TBC1D22A: variants seen among roughly 807,000 people sequenced by gnomAD.
The protein encoded by TBC1D22A is putative GTPase activator.
A neutral mutation model predicts 60.2 loss-of-function variants in TBC1D22A; 38 were observed. The ratio of observed to expected loss-of-function variants is 0.63; its 90% confidence interval spans 0.49 to 0.83. TBC1D22A has a LOEUF of 0.83. Among genes scored for constraint, TBC1D22A ranks in the 40% least tolerant of loss-of-function variants. The pLI is 0.00. For synonymous variants in TBC1D22A, 302 were observed against 281.7 expected, an observed-to-expected ratio of 1.07 and a Z score of -0.72; for missense variants, 628 against 701.0, an observed-to-expected ratio of 0.90 and a Z score of 1.18.
intron 11 of TBC1D22A, among the ~76,000 whole-genome samples, chr22:47,067,980 G>A (rs530349278): frequency 1.7e-4 from 26 of 152,362 alleles, no homozygotes; most frequent in South Asian, 6.2e-4. Flanking sequence ...AGACTGACAA[G>A]CACCATCCCC....
chr22:46,952,789 C>T (rs136078), intron 8 of TBC1D22A, among the ~76,000 whole-genome samples: 25,583 of 152,158 alleles, frequency 0.17, 2,695 homozygotes, highest in East Asian at 0.24. Context: ...CTCAACCCCT[C>T]AGCATTGTTG....
chr22:46,783,570 A>G (rs2084034081), intron 1 of TBC1D22A, among the ~76,000 whole-genome samples: 1 of 145,614 alleles, frequency 6.9e-6, no homozygotes, highest in Non-Finnish European at 1.5e-5. Flanking sequence ...TTGTGTTTCC[A>G]TTCCCATGTG....
At chr22:47,159,479 AACAC>A (rs927265806) in intron 12 of TBC1D22A, among the ~76,000 whole-genome samples, 2 of 151,716 alleles carry the variant, frequency 1.3e-5, no homozygotes, top group South Asian at 2.1e-4. Flanking sequence ...ATGCCATGTA[AACAC>A]ACAGACAACA....
chr22:47,085,672 CAAGAT>C (rs780178341), intron 11 of TBC1D22A, among the ~76,000 whole-genome samples: 9 of 151,982 alleles, frequency 5.9e-5, no homozygotes, highest in Middle Eastern at 3.4e-3. Context: ...CAGAAGTCGT[CAAGAT>C]AAGAAAACAG....
chr22:46,764,439 GTCTAAAC>G (rs1257381046), intron 1 of TBC1D22A, among the ~76,000 whole-genome samples: 1 of 152,200 alleles, frequency 6.6e-6, no homozygotes, highest in Non-Finnish European at 1.5e-5. Context: ...TTCCTCATCA[GTCTAAAC>G]TCTAATTCTT....
chr22:46,798,064 T>A (rs2084735516), intron 4 of TBC1D22A, among the ~76,000 whole-genome samples: 1 of 152,128 alleles, frequency 6.6e-6, no homozygotes, highest in African/African-American at 2.4e-5. Flanking sequence ...TTTCTACAGA[T>A]ACGGGTCTGC....
chr22:47,060,510 A>G (rs1451986381), intron 11 of TBC1D22A, among the ~76,000 whole-genome samples: 3 of 152,086 alleles, frequency 2.0e-5, no homozygotes, highest in Non-Finnish European at 4.4e-5. Flanking sequence ...GGCTCACTGC[A>G]ACCTCCGCTT....
intron 4 of TBC1D22A, among the ~76,000 whole-genome samples, chr22:46,817,257 G>C (rs567100044): frequency 5.7e-4 from 73 of 127,656 alleles, no homozygotes; most frequent in Admixed American, 4.1e-3. Context: ...ATACTAGGTT[G>C]TCCTTTTTTT....
chr22:47,031,500 A>G (rs1285049849), intron 10 of TBC1D22A, among the ~76,000 whole-genome samples: 2 of 152,194 alleles, frequency 1.3e-5, no homozygotes, highest in South Asian at 2.1e-4. Context: ...TTTTCTGGTT[A>G]GTTCCTTGTG....
At chr22:46,913,197 C>T (rs2070082430) in intron 8 of TBC1D22A, 4 of 427,408 alleles carry the variant, frequency 9.4e-6, no homozygotes, top group South Asian at 2.5e-5. Flanking sequence ...CTTTTTAATG[C>T]GTCTATGGAT....
intron 7 of TBC1D22A, among the ~76,000 whole-genome samples, chr22:46,898,606 A>G (rs1196827423): frequency 6.6e-6 from 1 of 152,204 alleles, no homozygotes; most frequent in Non-Finnish European, 1.5e-5. Flanking sequence ...ATGTTACATA[A>G]GATAACCTAG....
chr22:46,796,212 A>G (rs775640505), intron 3 of TBC1D22A, among the ~76,000 whole-genome samples: 39 of 152,100 alleles, frequency 2.6e-4, no homozygotes, highest in South Asian at 4.1e-4. Flanking sequence ...TCTGAAGTCT[A>G]TGTCCCCACT....
intron 4 of TBC1D22A, among the ~76,000 whole-genome samples, chr22:46,862,761 G>C (rs2087972279): frequency 6.6e-6 from 1 of 152,164 alleles, no homozygotes; most frequent in Non-Finnish European, 1.5e-5. Context: ...TGGCAGGGCA[G>C]AGGCCCCACC....
intron 8 of TBC1D22A, among the ~76,000 whole-genome samples, chr22:46,932,966 G>T (rs1016268838): frequency 6.6e-6 from 1 of 151,960 alleles, no homozygotes; most frequent in Non-Finnish European, 1.5e-5. Flanking sequence ...CTTGTGATCC[G>T]CCTGCCTTGG....
chr22:47,119,347 G>A (rs2066187545), intron 12 of TBC1D22A, among the ~76,000 whole-genome samples: 2 of 152,278 alleles, frequency 1.3e-5, no homozygotes, highest in Middle Eastern at 3.4e-3. Context: ...CACAGAGCTG[G>A]CCACCCGGAC....
At chr22:47,157,827 G>A (rs1718756206) in intron 12 of TBC1D22A, among the ~76,000 whole-genome samples, 1 of 152,188 alleles carries the variant, frequency 6.6e-6, no homozygotes, top group African/African-American at 2.4e-5. Flanking sequence ...TGAGTTGGGG[G>A]CATCTATACA....
intron 8 of TBC1D22A, among the ~76,000 whole-genome samples, chr22:46,949,018 G>A (rs1430887684): frequency 6.6e-6 from 1 of 152,232 alleles, no homozygotes; most frequent in Non-Finnish European, 1.5e-5. Context: ...GGAAGCAGGA[G>A]TGGAGCGCCA....
chr22:46,981,672 T>G (rs1382542945), intron 9 of TBC1D22A, among the ~76,000 whole-genome samples: 2 of 152,214 alleles, frequency 1.3e-5, no homozygotes, highest in Non-Finnish European at 2.9e-5. Flanking sequence ...TTCCTCTTTG[T>G]CTTCCACCAT....
intron 11 of TBC1D22A, among the ~76,000 whole-genome samples, chr22:47,106,591 A>T (rs780324061): frequency 2.0e-5 from 3 of 152,260 alleles, no homozygotes; most frequent in Non-Finnish European, 4.4e-5. Context: ...GAGGGTTTAC[A>T]ACCAAAAGAC....
Sources: allele counts gnomAD v4.1 joint callset (sites outside exome capture counted in the v4.1 genomes callset), GRCh38; gene constraint gnomAD v4.1.1; transcripts MANE v1.5; gene names NCBI Gene and HGNC (gene_info 2026-07-23, HGNC 2026-07-21).